PPP6R3: variants seen among roughly 807,000 people sequenced by gnomAD.
The protein encoded by PPP6R3 is protein phosphatase 6 regulatory subunit 3.
PPP6R3 carries 38 observed loss-of-function variants against 110.7 expected under a neutral mutation model. The observed-to-expected ratio is 0.34, with a 90% CI of 0.26 to 0.45. The LOEUF is 0.45. Ranked by LOEUF, PPP6R3 falls within the 20% of genes least tolerant of loss-of-function variation. PPP6R3 has a pLI of 1.00. For missense variants in PPP6R3, 870 were observed against 1,062.4 expected, an observed-to-expected ratio of 0.82 and a Z score of 2.52; for synonymous variants, 369 against 373.5, an observed-to-expected ratio of 0.99 and a Z score of 0.14.
rs556237961 is a variant in PPP6R3, at chr11:68,614,904, TGA to T, written c.*1789_*1790del. On this transcript the variant is annotated 3_prime_UTR_variant, in exon 24 of 24. Transcript: ENST00000393800. ...AATATGCTCTGGTCTCGCCTGGTGG[TGA>T]GTTTTGCCAGCCATGGCCAGGGTTT... is the stretch of plus-strand genomic sequence containing the variant. The T allele has an allele frequency of 6.2e-5, 49 of 795,450 alleles. No individual in the cohort carries two copies. The highest frequency in any genetic ancestry group is 9.1e-5 in the Non-Finnish European group (44 of 481,726). 49.3% of individuals were successfully genotyped at this position (795,450 alleles called of 1,614,324 possible). A position where few individuals can be genotyped will look rare whatever the true frequency, so the allele number is the denominator to read the frequency against.
At chr11:68,563,072 G>A (rs546532771) in intron 8 of PPP6R3, among the ~76,000 whole-genome samples, 1 of 151,680 alleles carries the variant, frequency 6.6e-6, no homozygotes, top group African/African-American at 2.4e-5. Context: ...GGCTGAGGGG[G>A]GAGGATCACT....
At chr11:68,493,277 A>G (rs1213523833) in intron 1 of PPP6R3, among the ~76,000 whole-genome samples, 2 of 152,162 alleles carry the variant, frequency 1.3e-5, no homozygotes, top group Non-Finnish European at 2.9e-5. Context: ...GGATTAAATG[A>G]TAGTTCATGT....
chr11:68,588,613 G>A (rs754969900), intron 16 of PPP6R3, among the ~76,000 whole-genome samples: 21 of 151,474 alleles, frequency 1.4e-4, no homozygotes, highest in African/African-American at 4.6e-4. Context: ...ACCCGCCACC[G>A]CACCTGGCTA....
At chr11:68,512,081 CTG>C (rs1195199159) in intron 1 of PPP6R3, among the ~76,000 whole-genome samples, 3 of 152,160 alleles carry the variant, frequency 2.0e-5, no homozygotes, top group African/African-American at 7.2e-5. Context: ...CCTGTTGAGA[CTG>C]TGTGTCTTTC....
In PPP6R3 at chr11:68,519,187, A is replaced by G. The variant is rs181865573; in HGVS notation, c.-157-314A>G. Among the ~76,000 whole-genome samples the G allele has an allele frequency of 5.9e-5, 9 of 152,338 alleles. No individual in the cohort carries two copies. The East Asian group carries it at 9.6e-4, about 16-fold the overall frequency. ...ATAGTGGACCCTATGTTGGATAAGA[A>G]TAGAATTGATGTTTTCAGAAGACAA... On this transcript the variant is annotated intron_variant, in intron 1 of 23. Coordinates refer to ENST00000393800, the MANE Select transcript of PPP6R3 (RefSeq NM_001164161.2).
chr11:68,531,250 A>G (rs935454988), intron 2 of PPP6R3, among the ~76,000 whole-genome samples: 7 of 152,190 alleles, frequency 4.6e-5, no homozygotes, highest in African/African-American at 1.7e-4. Context: ...TCTGGGAACT[A>G]GAGATGCAGA....
At chr11:68,482,849 T>C (rs1487893637) in intron 1 of PPP6R3, among the ~76,000 whole-genome samples, 1 of 152,158 alleles carries the variant, frequency 6.6e-6, no homozygotes, top group East Asian at 1.9e-4. Context: ...GTGTGTTTTA[T>C]ATAAATATAA....
chr11:68,562,199 T>C (rs987629391), intron 8 of PPP6R3, among the ~76,000 whole-genome samples: 3 of 152,244 alleles, frequency 2.0e-5, no homozygotes, highest in Non-Finnish European at 4.4e-5. Flanking sequence ...TTATTTTTTA[T>C]AGCATAGAGA....
At chr11:68,543,844 CATA>C (rs545169527) in intron 3 of PPP6R3, among the ~76,000 whole-genome samples, 3 of 152,212 alleles carry the variant, frequency 2.0e-5, no homozygotes, top group Non-Finnish European at 4.4e-5. Context: ...ACGAGATTGT[CATA>C]GTAGGAGTAA....
At chr11:68,560,432 A>G (rs559914297) in intron 8 of PPP6R3, among the ~76,000 whole-genome samples, 1 of 152,368 alleles carries the variant, frequency 6.6e-6, no homozygotes, top group Non-Finnish European at 1.5e-5. Context: ...ACTACAAACA[A>G]TGCATTAAAC....
intron 14 of PPP6R3, among the ~76,000 whole-genome samples, chr11:68,580,746 CTTTTTTTTTTTTTTTTTTTTTTTTTT>C (rs71043441): frequency 5.2e-4 from 35 of 67,528 alleles, no homozygotes; most frequent in African/African-American, 1.4e-3. Flanking sequence ...GGTAAATAAT[CTTTTTTTTTTTTTTTTTTTTTTTTTT>C]TTTTTTTTTT....
In PPP6R3 at chr11:68,548,121, A is replaced by G. The variant is rs765500287; in HGVS notation, c.469A>G (p.Ile157Val). Residue 157 changes from isoleucine to valine, a missense_variant, in exon 5 of 24, where the codon ATA becomes GTA. Coordinates refer to ENST00000393800, the MANE Select transcript of PPP6R3 (RefSeq NM_001164161.2). Reference protein sequence around the residue: ...HDFVDLIIKHIGTSAIMDLLL... With the variant: ...HDFVDLIIKHVGTSAIMDLLL... The stretch of plus-strand genomic sequence containing the variant: ...TTTTGTAGACCTTATTATAAAGCAC[A>G]TAGGAACTTCTGCTATCATGGATTT... 9 of 1,613,922 alleles carry G rather than the reference A, an allele frequency of 5.6e-6. No homozygotes were observed. Among genetic ancestry groups the G allele is most frequent in the East Asian group, 2.2e-5 (1 of 44,906 alleles).
At chr11:68,490,482 G>T (rs2098976911) in intron 1 of PPP6R3, among the ~76,000 whole-genome samples, 1 of 151,864 alleles carries the variant, frequency 6.6e-6, no homozygotes, top group Non-Finnish European at 1.5e-5. Flanking sequence ...GAACTTTCTG[G>T]ATCTATGGTT....
intron 1 of PPP6R3, among the ~76,000 whole-genome samples, chr11:68,466,605 A>AT (rs954043589): frequency 3.4e-5 from 5 of 146,086 alleles, no homozygotes; most frequent in African/African-American, 1.3e-4. Context: ...TGCCCGGCTA[A>AT]TTTTTTGTAT....
At position 68,596,115 on chromosome 11, in the gene PPP6R3, T is replaced by C; in HGVS notation, c.1935T>C (p.Ser645=). The C allele has an allele frequency of 6.2e-7, 1 of 1,614,130 alleles. No homozygotes were observed. Among genetic ancestry groups the C allele is most frequent in the South Asian group, 1.1e-5 (1 of 91,082 alleles). The change falls in exon 19 of 24, where the codon AGT becomes AGC. Residue 645 remains serine, a synonymous_variant. Transcript: ENST00000393800. The part of the protein sequence containing the change: ...QRRSSSGSTD[S]EESTDSEEED... ...TCCTTAGCTCGGGGAGTACAGACAG[T>C]GAGGAAAGTACAGACTCTGAAGAAG...
chr11:68,571,063 A>G lies in PPP6R3; in HGVS notation c.1302A>G (p.Ile434Met), dbSNP rs1291030088. The G allele has an allele frequency of 1.3e-6, 2 of 1,594,620 alleles. No homozygotes were observed. The highest frequency in any genetic ancestry group is 4.5e-5 in the East Asian group (2 of 44,556). Residue 434 changes from isoleucine (I) to methionine (M), a missense_variant, in exon 12 of 24, where the codon ATA becomes ATG. Transcript: ENST00000393800. ...AGCTTTTCCAAAAATGTCAATTAAT[A>G]GAACGAATACTTGAAGCCTGGGAAA... ...LKHLFQKCQLIERILEAWEMN... is the reference protein window; with the variant it reads ...LKHLFQKCQLMERILEAWEMN...
At chr11:68,551,072 G>C (rs1366910322) in intron 5 of PPP6R3, 49 bp from the exon 6 acceptor site, 2 of 1,307,010 alleles carry the variant, frequency 1.5e-6, no homozygotes, top group South Asian at 2.5e-5. Context: ...ATTGGGGCTT[G>C]AACAAGAGCC....
At chr11:68,575,046 C>T (rs2099525213) in intron 13 of PPP6R3, among the ~76,000 whole-genome samples, 1 of 152,184 alleles carries the variant, frequency 6.6e-6, no homozygotes, top group Non-Finnish European at 1.5e-5. Context: ...GTGGTGTGTG[C>T]CCACTTCTAA....
chr11:68,543,867 A>T (rs979824845), intron 3 of PPP6R3, among the ~76,000 whole-genome samples: 14 of 152,208 alleles, frequency 9.2e-5, no homozygotes, highest in African/African-American at 2.7e-4. Context: ...AGTGGAGGAA[A>T]TGGACCTGCT....
Sources: allele counts gnomAD v4.1 joint callset (sites outside exome capture counted in the v4.1 genomes callset), GRCh38; gene constraint gnomAD v4.1.1; transcripts MANE v1.5; gene names NCBI Gene and HGNC (gene_info 2026-07-23, HGNC 2026-07-21).